ITPK1: variants seen among roughly 807,000 people sequenced by gnomAD.
ITPK1 encodes the protein inositol-tetrakisphosphate 1-kinase, also known as inositol 1,3,4-trisphosphate 5/6-kinase.
ITPK1 carries 21 observed loss-of-function variants against 45.3 expected under a neutral mutation model. That is an observed-to-expected ratio of 0.46 (90% CI 0.33 to 0.67). The LOEUF (loss-of-function observed/expected upper bound fraction) is 0.67, where lower values mean the gene tolerates loss of function less well. Among genes scored for constraint, ITPK1 ranks in the 30% least tolerant of loss-of-function variants. The pLI is 0.02. For synonymous variants in ITPK1, 258 were observed against 253.6 expected (o/e 1.02, Z -0.16); for missense variants, 474 against 573.5 (o/e 0.83, Z 1.77).
intron 5 of ITPK1, among the ~76,000 whole-genome samples, chr14:92,993,402 G>A (rs967501266): frequency 6.6e-6 from 1 of 152,206 alleles, no homozygotes; most frequent in Non-Finnish European, 1.5e-5. Flanking sequence ...GCTGGCAGGG[G>A]AGGCGCCGCA....
intron 2 of ITPK1, among the ~76,000 whole-genome samples, chr14:93,110,285 A>G (rs1480732116): frequency 6.6e-6 from 1 of 152,156 alleles, no homozygotes; most frequent in Non-Finnish European, 1.5e-5. Flanking sequence ...CACTGCTGCA[A>G]AGAAAACCTA....
Position 92,940,084 on chromosome 14 carries a change from G to A in ITPK1, c.*1477C>T, listed in dbSNP as rs1467268807. On this transcript the variant is annotated 3_prime_UTR_variant, in exon 11 of 11. Transcript: ENST00000267615. ...CCTCTGCCCCTCGCCCAAGCCCTGT[G>A]CCTCCCTCCTCAAAGTGGGCATCCT... The A allele has an allele frequency of 2.0e-6, 2 of 985,714 alleles. No homozygotes were observed. Among genetic ancestry groups the A allele is most frequent in the Admixed American group, 6.1e-5 (1 of 16,270 alleles). 61.1% of individuals were successfully genotyped at this position (985,714 alleles called of 1,614,324 possible).
rs116076663 is a variant in ITPK1 at position 92,949,913 on chromosome 14, A to G, written c.738+2033T>C. The stretch of plus-strand genomic sequence containing the variant: ...TGACAGAGGAACTGGGAAGGCGTTC[A>G]TGGGTCCCCAGTGGGCCTCGGCACC... On this transcript the variant is annotated intron_variant, in intron 9 of 10. Coordinates refer to ENST00000267615, the MANE Select transcript of ITPK1 (RefSeq NM_014216.6). Among the ~76,000 whole-genome samples the G allele has an allele frequency of 8.9e-3, 1,351 of 152,266 alleles. 15 individuals carry two copies. The highest frequency in any genetic ancestry group is 0.031 in the African/African-American group (1,268 of 41,560).
intron 2 of ITPK1, among the ~76,000 whole-genome samples, chr14:93,082,931 T>C (rs1891496428): frequency 6.6e-6 from 1 of 152,196 alleles, no homozygotes; most frequent in Admixed American, 6.5e-5. Context: ...TCGTCCTCTC[T>C]AGACCTTCAG....
intron 3 of ITPK1, among the ~76,000 whole-genome samples, chr14:93,074,935 CCAAT>C (rs1891155244): frequency 2.0e-5 from 3 of 152,126 alleles, no homozygotes. Context: ...GCTGCCAAAA[CCAAT>C]CAAACAGAAA....
intron 3 of ITPK1, among the ~76,000 whole-genome samples, chr14:93,073,942 G>C (rs1194369461): frequency 6.6e-6 from 1 of 152,184 alleles, no homozygotes; most frequent in East Asian, 1.9e-4. Flanking sequence ...CTGGCAGCAA[G>C]GGGACGTGTG....
At chr14:92,990,018 G>A (rs1886701122) in intron 5 of ITPK1, among the ~76,000 whole-genome samples, 1 of 152,190 alleles carries the variant, frequency 6.6e-6, no homozygotes, top group Non-Finnish European at 1.5e-5. Context: ...TGGGTCCTCA[G>A]GCAGGGACCC....
intron 4 of ITPK1, among the ~76,000 whole-genome samples, chr14:93,007,282 A>G (rs557846348): frequency 1.3e-5 from 2 of 152,256 alleles, no homozygotes; most frequent in African/African-American, 4.8e-5. Context: ...CCTGTATACA[A>G]TAATACACAG....
At position 92,940,997 on chromosome 14, in the gene ITPK1, G is replaced by A. The variant is rs1300550436; in HGVS notation, c.*564C>T. 1 of 1,270,894 alleles carries A rather than the reference G, an allele frequency of 7.9e-7. No homozygotes were observed. The allele number at this position is 1,270,894 out of a possible 1,614,324, so 78.7% of individuals were successfully genotyped here. On this transcript the variant is annotated 3_prime_UTR_variant, in exon 11 of 11. Transcript: ENST00000267615. ...CCTGAGGGGTCTGTGGCCTCCTCTG[G>A]CTGTGGGGAGGGAGGGGTTAGCTGC... is the stretch of plus-strand genomic sequence containing the variant.
Position 92,945,101 on chromosome 14 carries a change from T to A in ITPK1, c.901+1230A>T, listed in dbSNP as rs899182338. Among the ~76,000 whole-genome samples, 4 of 152,346 alleles carry A rather than the reference T, an allele frequency of 2.6e-5. No homozygotes were observed. In the South Asian group the frequency reaches 8.3e-4, roughly 32 times the overall value. On this transcript the variant is annotated intron_variant, in intron 10 of 10. Coordinates refer to ENST00000267615, the MANE Select transcript of ITPK1 (RefSeq NM_014216.6). ...AGCCCGCTGACCGCCCGCTCTGTCCTCCGCCTCCTCCAGACAGGGGTGAGC... is the reference window on the plus strand; with the variant it reads ...AGCCCGCTGACCGCCCGCTCTGTCCACCGCCTCCTCCAGACAGGGGTGAGC...
At chr14:92,994,037 G>A (rs1000734807) in intron 4 of ITPK1, 40 bp from the exon 5 acceptor site, 3 of 1,354,842 alleles carry the variant, frequency 2.2e-6, no homozygotes, top group Non-Finnish European at 3.2e-6. Context: ...AGCAGGGGTA[G>A]GGCCAGGTAG....
At chr14:93,100,255 G>A (rs891259117) in intron 2 of ITPK1, among the ~76,000 whole-genome samples, 2 of 152,106 alleles carry the variant, frequency 1.3e-5, no homozygotes, top group Non-Finnish European at 2.9e-5. Flanking sequence ...GGGGACCCTG[G>A]AGCCAACCCA....
intron 3 of ITPK1, among the ~76,000 whole-genome samples, chr14:93,059,990 C>T (rs1050171975): frequency 1.3e-5 from 2 of 151,778 alleles, no homozygotes; most frequent in African/African-American, 4.8e-5. Context: ...TGCCGTAGAA[C>T]GCAGCATTCA....
intron 5 of ITPK1, among the ~76,000 whole-genome samples, chr14:92,976,297 G>A (rs1421593082): frequency 6.6e-6 from 1 of 152,162 alleles, no homozygotes; most frequent in Non-Finnish European, 1.5e-5. Flanking sequence ...CTGTTCCCTT[G>A]AATGTGAACT....
chr14:92,972,408 G>A (rs1391963343), intron 5 of ITPK1, among the ~76,000 whole-genome samples: 2 of 152,168 alleles, frequency 1.3e-5, no homozygotes, highest in Non-Finnish European at 1.5e-5. Context: ...ATGTGCAGAC[G>A]TGGGGAGATG....
chr14:92,995,369 G>C (rs1179213182), intron 4 of ITPK1, among the ~76,000 whole-genome samples: 1 of 152,246 alleles, frequency 6.6e-6, no homozygotes, highest in Admixed American at 6.5e-5. Flanking sequence ...TATGGACAGA[G>C]AGAAAGAGCC....
chr14:92,971,618 T>C (rs894169129), intron 5 of ITPK1, among the ~76,000 whole-genome samples: 4 of 152,158 alleles, frequency 2.6e-5, no homozygotes, highest in Non-Finnish European at 5.9e-5. Context: ...CCAGCACTGA[T>C]GCCACAATGC....
intron 3 of ITPK1, among the ~76,000 whole-genome samples, chr14:93,055,172 G>C (rs1890171055): frequency 6.6e-6 from 1 of 152,230 alleles, no homozygotes; most frequent in Admixed American, 6.5e-5. Flanking sequence ...TCCATGGCCA[G>C]ATGATAACAC....
Position 93,070,928 on chromosome 14 carries a change from C to A in ITPK1, c.120+5667G>T, listed in dbSNP as rs1338976561. The A allele has an allele frequency of 2.0e-5, 3 of 153,812 alleles. No individual in the cohort carries two copies. In the Admixed American group the frequency reaches 2.0e-4, roughly 10 times the overall value. 9.5% of individuals were successfully genotyped at this position (153,812 alleles called of 1,614,324 possible). On this transcript the variant is annotated intron_variant, in intron 3 of 10. Coordinates refer to ENST00000267615, the MANE Select transcript of ITPK1 (RefSeq NM_014216.6). ...CACTGAAATGGTGGAGTCAGGGTGG[C>A]CCGTGCGTCCAGCATTCCCATTACC...
Sources: gnomAD v4.1 joint callset for allele counts (sites outside exome capture counted in the v4.1 genomes callset) on GRCh38, gnomAD v4.1.1 for gene constraint, MANE v1.5 for transcripts, NCBI Gene and HGNC (gene_info 2026-07-23, HGNC 2026-07-21) for gene names.